MRPL49: variants seen among roughly 807,000 people sequenced by gnomAD.
The protein encoded by MRPL49 is mitochondrial ribosomal protein L49.
A neutral mutation model predicts 18.4 loss-of-function variants in MRPL49; 14 were observed. The observed-to-expected ratio is 0.76, with a 90% CI of 0.50 to 1.19. The LOEUF is 1.19. Among genes scored for constraint, MRPL49 ranks in the 50% most tolerant of loss-of-function variants. The pLI, the probability that MRPL49 is intolerant of heterozygous loss-of-function variation, is 0.00. For synonymous variants in MRPL49, 104 were observed against 86.2 expected (o/e 1.21, Z -1.14); for missense variants, 190 against 217.8 (o/e 0.87, Z 0.80).
intron 1 of MRPL49, 196 bp downstream of exon 1, chr11:65,122,620 AAC>A (rs1948063064): frequency 1.7e-6 from 1 of 589,818 alleles, no homozygotes; most frequent in East Asian, 2.9e-5. Flanking sequence ...GGGAGCACTT[AAC>A]ACAGTGCCTG....
chr11:65,125,087 T>C (rs1301278923), intron 2 of MRPL49: 1 of 302,764 alleles, frequency 3.3e-6, no homozygotes, highest in Non-Finnish European at 6.2e-6. Flanking sequence ...GCTCAGTACA[T>C]AGAGCCCTTA....
At chr11:65,124,998 G>A (rs3782094) in intron 2 of MRPL49, 94,916 of 280,724 alleles carry the variant, frequency 0.34, 18,344 homozygotes, top group Admixed American at 0.43. Context: ...GTTTGAATTT[G>A]GCTTTATTTA....
At chr11:65,123,711 G>A (rs933025008) in intron 1 of MRPL49, among the ~76,000 whole-genome samples, 1 of 152,098 alleles carries the variant, frequency 6.6e-6, no homozygotes, top group Non-Finnish European at 1.5e-5. Flanking sequence ...TCCAGCCTAG[G>A]TGACAGAGTG....
Position 65,125,558 on chromosome 11 carries a change from C to G in MRPL49, c.300C>G (p.Ile100Met). 6.2e-7 allele frequency: 1 copy of G among 1,614,166 alleles called. No individual in the cohort carries two copies. Among genetic ancestry groups the G allele is most frequent in the South Asian group, 1.1e-5 (1 of 91,072 alleles). The change falls in exon 3 of 4, where the codon ATC (isoleucine) becomes ATG (methionine). Residue 100 changes from isoleucine (I) to methionine (M), a missense_variant. Ile to Met is a conservative substitution (Grantham distance 10). Coordinates refer to ENST00000279242, the MANE Select transcript of MRPL49 (RefSeq NM_004927.4). Reference sequence around the variant, plus strand: ...ACAACATCCCCGTCTACAAGGACATCACGCATGGCAACCGGCAGATGACTG... The same window carrying G: ...ACAACATCCCCGTCTACAAGGACATGACGCATGGCAACCGGCAGATGACTG... ...RMHNIPVYKD[I>M]THGNRQMTVI...
chr11:65,125,704 C>G (rs1326513532), intron 3 of MRPL49, 22 bp from the exon 4 acceptor site: 1 of 1,613,156 alleles, frequency 6.2e-7, no homozygotes, highest in Non-Finnish European at 8.5e-7. Flanking sequence ...TTGGCCTGAC[C>G]TGATTTGTCA....
intron 1 of MRPL49, among the ~76,000 whole-genome samples, chr11:65,123,517 C>T (rs1365331599): frequency 6.6e-6 from 1 of 152,200 alleles, no homozygotes; most frequent in Non-Finnish European, 1.5e-5. Flanking sequence ...CGTAGATCAC[C>T]TGGAGTCAGG....
Position 65,124,490 on chromosome 11 carries a change from G to T in MRPL49, c.79-12G>T, listed in dbSNP as rs1352062962. The stretch of plus-strand genomic sequence containing the variant: ...AGGCTAATGGAGAAATGGGATTTTT[G>T]TTTTGCTTCAGAGCCAGACCCAGGG... On this transcript the variant is annotated splice_polypyrimidine_tract_variant and intron_variant, in intron 1 of 3. Coordinates refer to ENST00000279242, the MANE Select transcript of MRPL49 (RefSeq NM_004927.4). 1.2e-6 allele frequency: 2 copies of T among 1,609,482 alleles called. No homozygotes were observed. Among genetic ancestry groups the T allele is most frequent in the East Asian group, 2.2e-5 (1 of 44,850 alleles).
In MRPL49 at chr11:65,126,903, G is replaced by C. The variant is rs1421693911; in HGVS notation, c.*1031G>C. 2 of 623,488 alleles carry C rather than the reference G, an allele frequency of 3.2e-6. No individual in the cohort carries two copies. The highest frequency in any genetic ancestry group is 5.0e-5 in the Admixed American group (2 of 40,058). 38.6% of individuals were successfully genotyped at this position (623,488 alleles called of 1,614,324 possible). A position where few individuals can be genotyped will look rare whatever the true frequency, so the allele number is the denominator to read the frequency against. Reference sequence around the variant, plus strand: ...AGGCTGGGGAGGGGTTTGCAGGCAGGAATATGCTGACCTTTCACCCTGCCA... The same window carrying C: ...AGGCTGGGGAGGGGTTTGCAGGCAGCAATATGCTGACCTTTCACCCTGCCA... On this transcript the variant is annotated 3_prime_UTR_variant, in exon 4 of 4. Coordinates refer to ENST00000279242, the MANE Select transcript of MRPL49 (RefSeq NM_004927.4).
chr11:65,126,789 C>T lies in MRPL49; in HGVS notation c.*917C>T. ...TTCTTGGTCACTGTTCCATTGCAGACCAGACTTGCTGGCCTGACCACAAGG... is the reference window on the plus strand; with the variant it reads ...TTCTTGGTCACTGTTCCATTGCAGATCAGACTTGCTGGCCTGACCACAAGG... On this transcript the variant is annotated 3_prime_UTR_variant, in exon 4 of 4. Transcript: ENST00000279242. 1.8e-6 allele frequency: 1 copy of T among 544,568 alleles called. No individual in the cohort carries two copies. The highest frequency in any genetic ancestry group is 3.1e-5 in the East Asian group (1 of 32,530). 33.7% of individuals were successfully genotyped at this position (544,568 alleles called of 1,614,324 possible).
chr11:65,126,087 C>G lies in MRPL49; in HGVS notation c.*215C>G. 4.0e-6 allele frequency: 2 copies of G among 498,682 alleles called. No homozygotes were observed. Among genetic ancestry groups the G allele is most frequent in the Non-Finnish European group, 7.0e-6 (2 of 286,984 alleles). The allele number at this position is 498,682 out of a possible 1,614,324, so 30.9% of individuals were successfully genotyped here. On this transcript the variant is annotated 3_prime_UTR_variant, in exon 4 of 4. Coordinates refer to ENST00000279242, the MANE Select transcript of MRPL49 (RefSeq NM_004927.4). ...AATGTGGGAGACCAAATAGGGATCA[C>G]CAGGCTAATGGGGGGCGTCAGCAGC...
Position 65,126,079 on chromosome 11 carries a change from A to T in MRPL49, c.*207A>T. 1 of 515,306 alleles carries T rather than the reference A, an allele frequency of 1.9e-6. No individual in the cohort carries two copies. Among genetic ancestry groups the T allele is most frequent in the Middle Eastern group, 5.0e-4 (1 of 2,012 alleles). The allele number at this position is 515,306 out of a possible 1,614,324, so 31.9% of individuals were successfully genotyped here. On this transcript the variant is annotated 3_prime_UTR_variant, in exon 4 of 4. Coordinates refer to ENST00000279242, the MANE Select transcript of MRPL49 (RefSeq NM_004927.4). ...GAGTGCCTAATGTGGGAGACCAAAT[A>T]GGGATCACCAGGCTAATGGGGGGCG... is the stretch of plus-strand genomic sequence containing the variant.
At chr11:65,125,662 AG>A (rs1294631247) in intron 3 of MRPL49, 50 bp downstream of exon 3, 25 of 1,611,954 alleles carry the variant, frequency 1.6e-5, no homozygotes, top group Non-Finnish European at 2.1e-5. Flanking sequence ...TCAGGGCTGA[AG>A]GGACAGGAGT....
At chr11:65,124,796 C>G (rs1172268531) in intron 2 of MRPL49, 144 bp downstream of exon 2, 1 of 878,674 alleles carries the variant, frequency 1.1e-6, no homozygotes, top group East Asian at 2.7e-5. Context: ...CTGTCTCATG[C>G]CCAAGGAAGA....
chr11:65,125,625 G>C lies in MRPL49; in HGVS notation c.354+13G>C, dbSNP rs771065101. 7.4e-6 allele frequency: 12 copies of C among 1,613,652 alleles called. No individual in the cohort carries two copies. Among genetic ancestry groups the C allele is most frequent in the Non-Finnish European group, 1.0e-5 (12 of 1,179,802 alleles). ...AGGGGACATCTGGGTAAGTGGGTGG[G>C]TGGGTCTGGGACTGGGCCTGACCCT... On this transcript the variant is annotated intron_variant, in intron 3 of 3. Coordinates refer to ENST00000279242, the MANE Select transcript of MRPL49 (RefSeq NM_004927.4).
At position 65,122,378 on chromosome 11, in the gene MRPL49, G is replaced by A; in HGVS notation, c.32G>A (p.Arg11Gln). Reference sequence around the variant, plus strand: ...GCTACCATGTTCCGGGCTACGCTGCGGGGATGGAGAACCGGTGTCCAGCGG... The same window carrying A: ...GCTACCATGTTCCGGGCTACGCTGCAGGGATGGAGAACCGGTGTCCAGCGG... MAATMFRATLRGWRTGVQRGC... is the reference protein window; with the variant it reads MAATMFRATLQGWRTGVQRGC... The change falls in exon 1 of 4, where the codon CGG becomes CAG. Residue 11 changes from arginine to glutamine, a missense_variant. Physicochemically the swap from Arg to Gln is conservative, Grantham distance 43. Transcript: ENST00000279242. 6.2e-7 allele frequency: 1 copy of A among 1,613,214 alleles called. No individual in the cohort carries two copies.
chr11:65,127,251 A>G lies in MRPL49; in HGVS notation c.*1379A>G. ...CAGCAAGGAGCCCGACACTGATTTG[A>G]TCGATTCTGTGACACAAACCCCACC... On this transcript the variant is annotated 3_prime_UTR_variant, in exon 4 of 4. Coordinates refer to ENST00000279242, the MANE Select transcript of MRPL49 (RefSeq NM_004927.4). The G allele has an allele frequency of 4.0e-6, 2 of 504,816 alleles. No individual in the cohort carries two copies. The highest frequency in any genetic ancestry group is 7.0e-6 in the Non-Finnish European group (2 of 285,748). 31.3% of individuals were successfully genotyped at this position (504,816 alleles called of 1,614,324 possible).
chr11:65,124,229 G>T (rs1291666315), intron 1 of MRPL49, among the ~76,000 whole-genome samples: 1 of 152,148 alleles, frequency 6.6e-6, no homozygotes, highest in Non-Finnish European at 1.5e-5. Flanking sequence ...CTTTGTGCAA[G>T]GCTGTGGTTT....
intron 1 of MRPL49, 35 bp from the exon 2 acceptor site, chr11:65,124,467 G>T: frequency 6.2e-7 from 1 of 1,606,172 alleles, no homozygotes; most frequent in Non-Finnish European, 8.5e-7. Flanking sequence ...TGTTGGGTAG[G>T]CTAATGGAGA....
At chr11:65,124,836 T>A in intron 2 of MRPL49, 184 bp downstream of exon 2, 1 of 606,178 alleles carries the variant, frequency 1.6e-6, no homozygotes, top group Non-Finnish European at 2.8e-6. Context: ...TGTTGTTCAC[T>A]GGTACTCATC....
Sources: gnomAD v4.1 joint callset for allele counts (sites outside exome capture counted in the v4.1 genomes callset) on GRCh38, gnomAD v4.1.1 for gene constraint, MANE v1.5 for transcripts, NCBI Gene and HGNC (gene_info 2026-07-23, HGNC 2026-07-21) for gene names.